SGK3: variants seen among roughly 807,000 people sequenced by gnomAD.
The protein encoded by SGK3 is serum/glucocorticoid regulated kinase family member 3, also known as serine/threonine-protein kinase Sgk3.
A neutral mutation model predicts 68.5 loss-of-function variants in SGK3; 47 were observed. The ratio of observed to expected loss-of-function variants is 0.69; its 90% confidence interval spans 0.54 to 0.87. SGK3 has a LOEUF of 0.87. Among genes scored for constraint, SGK3 ranks in the 40% least tolerant of loss-of-function variants. The probability of loss-of-function intolerance (pLI) is 0.00; values close to 1 mark genes in which losing one functional copy is unlikely to be tolerated. For missense variants in SGK3, 479 were observed against 575.5 expected (o/e 0.83, Z 1.72); for synonymous variants, 181 against 189.1 (o/e 0.96, Z 0.35).
intron 2 of SGK3, among the ~76,000 whole-genome samples, chr8:66,794,189 T>A (rs1238138730): frequency 1.3e-5 from 2 of 152,264 alleles, no homozygotes; most frequent in Admixed American, 1.3e-4. Flanking sequence ...TATTAAGAAC[T>A]ACTGTCCTGA....
At chr8:66,849,757 T>G (rs1810186841) in intron 15 of SGK3, among the ~76,000 whole-genome samples, 1 of 151,846 alleles carries the variant, frequency 6.6e-6, no homozygotes, top group Non-Finnish European at 1.5e-5. Context: ...CCACACTGTT[T>G]TGTAGAGATG....
chr8:66,714,058 G>A (rs550130365), intron 1 of SGK3, among the ~76,000 whole-genome samples: 1 of 152,220 alleles, frequency 6.6e-6, no homozygotes, highest in Non-Finnish European at 1.5e-5. Flanking sequence ...GGAGACACCA[G>A]AACTTCCCCT....
At chr8:66,839,830 G>A in intron 10 of SGK3, 173 bp from the exon 11 acceptor site, 1 of 564,602 alleles carries the variant, frequency 1.8e-6, no homozygotes, top group South Asian at 2.7e-5. Context: ...TTGTTAGGTG[G>A]GGACATGGAT....
At chr8:66,822,326 G>T (rs766074464) in intron 5 of SGK3, 46 bp from the exon 6 acceptor site, 1 of 1,551,778 alleles carries the variant, frequency 6.4e-7, no homozygotes, top group African/African-American at 1.4e-5. Flanking sequence ...GAGAAAGGCT[G>T]TAGAAATGCT....
intron 1 of SGK3, among the ~76,000 whole-genome samples, chr8:66,766,715 T>G (rs940311833): frequency 6.6e-6 from 1 of 152,226 alleles, no homozygotes; most frequent in Non-Finnish European, 1.5e-5. Flanking sequence ...TTTGAAGCTC[T>G]GTTATTAGGT....
At chr8:66,839,639 T>C (rs1222197873) in intron 10 of SGK3, among the ~76,000 whole-genome samples, 5 of 147,966 alleles carry the variant, frequency 3.4e-5, no homozygotes, top group Admixed American at 6.8e-5. Flanking sequence ...ATGGAAAACA[T>C]AGTCCAGAAA....
At chr8:66,836,484 C>T (rs561693081) in intron 10 of SGK3, among the ~76,000 whole-genome samples, 1 of 152,096 alleles carries the variant, frequency 6.6e-6, no homozygotes, top group Non-Finnish European at 1.5e-5. Flanking sequence ...ATAAGGGGCT[C>T]TGTGGTGGTA....
intron 10 of SGK3, among the ~76,000 whole-genome samples, chr8:66,839,496 GAGATATATATATATATATATATATAT>G (rs1809680001): frequency 4.6e-5 from 2 of 43,228 alleles, no homozygotes; most frequent in Non-Finnish European, 8.9e-5. Flanking sequence ...TATATGTATG[GAGATATATATATATATATATATATAT>G]ATATATATAT....
chr8:66,859,640 C>T lies in SGK3; in HGVS notation c.*59C>T, dbSNP rs1171403245. 1 of 1,497,072 alleles carries T rather than the reference C, an allele frequency of 6.7e-7. No individual in the cohort carries two copies. The highest frequency in any genetic ancestry group is 1.4e-5 in the African/African-American group (1 of 72,610). 92.7% of individuals were successfully genotyped at this position (1,497,072 alleles called of 1,614,324 possible). A position where few individuals can be genotyped will look rare whatever the true frequency, so the allele number is the denominator to read the frequency against. ...AAGTCTATAGATGGGACTGAAACTT[C>T]TATTTGTGTGAATATATTCAAATAT... is the stretch of plus-strand genomic sequence containing the variant. On this transcript the variant is annotated 3_prime_UTR_variant, in exon 17 of 17. Coordinates refer to ENST00000521198, the MANE Select transcript of SGK3 (RefSeq NM_001033578.3).
intron 1 of SGK3, among the ~76,000 whole-genome samples, chr8:66,787,305 G>A (rs7001834): frequency 0.03 from 4,538 of 152,140 alleles, 216 homozygotes; most frequent in African/African-American, 0.1. Context: ...TTGAATTAAG[G>A]AATAAAAATA....
At chr8:66,833,845 C>T (rs962675315) in intron 8 of SGK3, among the ~76,000 whole-genome samples, 1 of 152,198 alleles carries the variant, frequency 6.6e-6, no homozygotes, top group Non-Finnish European at 1.5e-5. Context: ...GCGTGTGCCA[C>T]CACGCCCTGC....
chr8:66,796,775 A>C (rs1012385257), intron 2 of SGK3, among the ~76,000 whole-genome samples: 1 of 152,178 alleles, frequency 6.6e-6, no homozygotes, highest in African/African-American at 2.4e-5. Flanking sequence ...TAGGCACTGC[A>C]GATACAGTGG....
chr8:66,849,976 T>C (rs1810201885), intron 15 of SGK3, among the ~76,000 whole-genome samples: 2 of 152,218 alleles, frequency 1.3e-5, no homozygotes, highest in South Asian at 2.1e-4. Context: ...CTAAATCCCC[T>C]TGATGGCTTC....
At chr8:66,763,409 T>C (rs1398624662) in intron 1 of SGK3, among the ~76,000 whole-genome samples, 2 of 152,216 alleles carry the variant, frequency 1.3e-5, no homozygotes, top group African/African-American at 2.4e-5. Context: ...GTCATTGATA[T>C]CATACTGGAA....
chr8:66,758,038 C>CACACACACACACACACACT (rs1806042723), intron 1 of SGK3, among the ~76,000 whole-genome samples: 1 of 123,654 alleles, frequency 8.1e-6, no homozygotes, highest in Non-Finnish European at 1.6e-5. Context: ...ACACACACAC[C>CACACACACACACACACACT]CTTTACATGT....
chr8:66,758,161 C>G lies in SGK3; in HGVS notation c.-121-35455C>G, dbSNP rs185262512. Reference sequence around the variant, plus strand: ...CTGAGGTCAGGAGTTCAAGACCAACCTGACCAACATGGCGAAACCCTGTCT... The same window carrying G: ...CTGAGGTCAGGAGTTCAAGACCAACGTGACCAACATGGCGAAACCCTGTCT... On this transcript the variant is annotated intron_variant, in intron 1 of 16. Transcript: ENST00000521198. Among the ~76,000 whole-genome samples, 23 of 151,940 alleles carry G rather than the reference C, an allele frequency of 1.5e-4. No homozygotes were observed. In the East Asian group the frequency reaches 4.5e-3, roughly 29 times the overall value.
At chr8:66,720,120 G>C (rs547325827) in intron 1 of SGK3, among the ~76,000 whole-genome samples, 1 of 152,206 alleles carries the variant, frequency 6.6e-6, no homozygotes, top group African/African-American at 2.4e-5. Context: ...AAGGGAATGA[G>C]GGTGTGTGGA....
chr8:66,829,379 T>G (rs1344959434), intron 7 of SGK3, among the ~76,000 whole-genome samples: 1 of 152,118 alleles, frequency 6.6e-6, no homozygotes, highest in South Asian at 2.1e-4. Flanking sequence ...GGAGAATGAT[T>G]ATAGGCAGAT....
At chr8:66,784,147 C>T (rs369524221) in intron 1 of SGK3, among the ~76,000 whole-genome samples, 76 of 152,252 alleles carry the variant, frequency 5.0e-4, no homozygotes, top group African/African-American at 1.7e-3. Context: ...GGGATCCTTC[C>T]GCCTTAGCCT....
Sources: allele counts gnomAD v4.1 joint callset (sites outside exome capture counted in the v4.1 genomes callset), GRCh38; gene constraint gnomAD v4.1.1; transcripts MANE v1.5; gene names NCBI Gene and HGNC (gene_info 2026-07-23, HGNC 2026-07-21).